Variants in MYADML2 observed in about 807,000 individuals in gnomAD.
The protein encoded by MYADML2 is myeloid-associated differentiation marker-like protein 2.
In MYADML2, 17 loss-of-function variants were observed where a neutral mutation model predicts 16.0. That is an observed-to-expected ratio of 1.06 (90% CI 0.73 to 1.60). The LOEUF is 1.60. MYADML2 is among the 40% of genes most tolerant of loss of function. The pLI, the probability that MYADML2 is intolerant of heterozygous loss-of-function variation, is 0.00. For synonymous variants in MYADML2, 210 were observed against 208.1 expected (o/e 1.01, Z -0.08); for missense variants, 422 against 437.7 (o/e 0.96, Z 0.32).
At chr17:81,944,905 C>G (rs534899892) in intron 1 of MYADML2, among the ~76,000 whole-genome samples, 1 of 152,318 alleles carries the variant, frequency 6.6e-6, no homozygotes, top group African/African-American at 2.4e-5. Context: ...CTGGAGAGGC[C>G]TCCAGATGAA....
At position 81,942,637 on chromosome 17, in the gene MYADML2, G is replaced by A. The variant is rs941342881; in HGVS notation, c.-180-264C>T. Among the ~76,000 whole-genome samples the A allele has an allele frequency of 2.0e-5, 3 of 152,006 alleles. No homozygotes were observed. The highest frequency in any genetic ancestry group is 7.3e-5 in the African/African-American group (3 of 41,370). On this transcript the variant is annotated intron_variant, in intron 1 of 2. Coordinates refer to ENST00000409745, the MANE Select transcript of MYADML2 (RefSeq NM_001145113.3). The surrounding 1 kb of genome is among the most constrained non-coding windows in gnomAD (Gnocchi z 4.4). ...GGCTGGAGTGCAATGGCGCGATCTC[G>A]GCTCCCAGGTTCAAGCAATTATCCT... is the stretch of plus-strand genomic sequence containing the variant.
At chr17:81,946,460 A>AAG in intron 1 of MYADML2, among the ~76,000 whole-genome samples, 1 of 151,776 alleles carries the variant, frequency 6.6e-6, no homozygotes, top group Admixed American at 6.6e-5. Context: ...CATCCTGGCC[A>AAG]ACGTGGTGAA....
At position 81,941,776 on chromosome 17, in the gene MYADML2, C is replaced by T. The variant is rs139967810; in HGVS notation, c.-35G>A. The T allele has an allele frequency of 8.6e-4, 1,264 of 1,471,808 alleles. 9 individuals are homozygous for T. The African/African-American group carries it at 0.015, about 18-fold the overall frequency. 91.2% of individuals were successfully genotyped at this position (1,471,808 alleles called of 1,614,324 possible). ...CACGTTTCCAGCTCACACAGTCCCC[C>T]AAGGCCCTGGGGTCCCTGCTGGGCC... On this transcript the variant is annotated 5_prime_UTR_variant, in exon 3 of 3. Transcript: ENST00000409745.
Position 81,942,624 on chromosome 17 carries a change from A to G in MYADML2, c.-180-251T>C, listed in dbSNP as rs1414241331. Among the ~76,000 whole-genome samples the G allele has an allele frequency of 1.3e-5, 2 of 152,010 alleles. No homozygotes were observed. Among genetic ancestry groups the G allele is most frequent in the East Asian group, 1.9e-4 (1 of 5,182 alleles). Reference sequence around the variant, plus strand: ...GCTCTGTCACCCAGGCTGGAGTGCAATGGCGCGATCTCGGCTCCCAGGTTC... The same window carrying G: ...GCTCTGTCACCCAGGCTGGAGTGCAGTGGCGCGATCTCGGCTCCCAGGTTC... On this transcript the variant is annotated intron_variant, in intron 1 of 2. Coordinates refer to ENST00000409745, the MANE Select transcript of MYADML2 (RefSeq NM_001145113.3). This position sits in a 1 kb window ranked among gnomAD's most constrained non-coding sequence, Gnocchi z 4.4.
chr17:81,941,856 T>A lies in MYADML2; in HGVS notation c.-102-13A>T. The A allele has an allele frequency of 9.9e-7, 1 of 1,014,016 alleles. No homozygotes were observed. Among genetic ancestry groups the A allele is most frequent in the Non-Finnish European group, 1.4e-6 (1 of 708,196 alleles). 62.8% of individuals were successfully genotyped at this position (1,014,016 alleles called of 1,614,324 possible). On this transcript the variant is annotated splice_polypyrimidine_tract_variant and intron_variant, in intron 2 of 2. Coordinates refer to ENST00000409745, the MANE Select transcript of MYADML2 (RefSeq NM_001145113.3). ...AGGTGCCTGCAGCCTGCAGAGGCAG[T>A]GACGACGGTGACATTGCAGCAGGGC...
At chr17:81,943,993 TC>T (rs2041324827) in intron 1 of MYADML2, among the ~76,000 whole-genome samples, 1 of 151,338 alleles carries the variant, frequency 6.6e-6, no homozygotes, top group South Asian at 2.1e-4. Context: ...GTGCCTGTAG[TC>T]CCAGCTACTC....
In MYADML2 at chr17:81,941,694, G is replaced by A. The variant is rs1387118284; in HGVS notation, c.48C>T (p.Gly16=). The A allele has an allele frequency of 1.3e-5, 20 of 1,544,494 alleles. No individual in the cohort carries two copies. Among genetic ancestry groups the A allele is most frequent in the Admixed American group, 7.9e-5 (4 of 50,482 alleles). Residue 16 remains glycine, a synonymous_variant, in exon 3 of 3, where the codon GGC becomes GGT. Transcript: ENST00000409745. The part of the protein sequence containing the change: ...EPPGGAYLHL[G]AVTSPVGTAR... ...CTGTGCCCACAGGGGATGTCACGGC[G>A]CCCAGGTGCAGGTACGCACCCCCAG...
chr17:81,944,233 C>T (rs1245384307), intron 1 of MYADML2, among the ~76,000 whole-genome samples: 3 of 151,946 alleles, frequency 2.0e-5, no homozygotes, highest in African/African-American at 4.8e-5. Context: ...AGTGAAACCC[C>T]GTCTCTACTA....
intron 1 of MYADML2, among the ~76,000 whole-genome samples, chr17:81,945,336 G>A (rs571470339): frequency 3.3e-5 from 5 of 152,000 alleles, no homozygotes; most frequent in South Asian, 2.1e-4. Context: ...TCAGGAGATC[G>A]AGACCATCCT....
Position 81,942,029 on chromosome 17 carries a change from C to A in MYADML2, c.-102-186G>T. 1 of 354,124 alleles carries A rather than the reference C, an allele frequency of 2.8e-6. No individual in the cohort carries two copies. The highest frequency in any genetic ancestry group is 5.1e-6 in the Non-Finnish European group (1 of 195,714). The allele number at this position is 354,124 out of a possible 1,614,324, so 21.9% of individuals were successfully genotyped here. A position where few individuals can be genotyped will look rare whatever the true frequency, so the allele number is the denominator to read the frequency against. On this transcript the variant is annotated intron_variant, in intron 2 of 2. Transcript: ENST00000409745. The surrounding 1 kb of genome is among the most constrained non-coding windows in gnomAD (Gnocchi z 4.4). The stretch of plus-strand genomic sequence containing the variant: ...TCCCCTGTGGAGCCCCTGCCGGGAC[C>A]ATTAACCCATTGGCTGCTGGCACCA...
chr17:81,941,900 G>A, intron 2 of MYADML2, 57 bp from the exon 3 acceptor site: 1 of 681,068 alleles, frequency 1.5e-6, no homozygotes, highest in Non-Finnish European at 2.4e-6. Flanking sequence ...TGCTGTCTAT[G>A]TGAGGCGGCT....
rs558158536 is a variant in MYADML2, at chr17:81,941,337, G to A, written c.405C>T (p.Ala135=). 2.8e-4 allele frequency: 438 copies of A among 1,549,134 alleles called. No individual in the cohort carries two copies. In the African/African-American group the frequency reaches 4.5e-3, roughly 16 times the overall value. Residue 135 remains alanine (A), a synonymous_variant, in exon 3 of 3, where the codon GCC becomes GCT. Coordinates refer to ENST00000409745, the MANE Select transcript of MYADML2 (RefSeq NM_001145113.3). The part of the protein sequence containing the change: ...RDFRLAASVF[A]GLLFLAYAVE... ...CAGCGTAGGCCAGGAAGAGGAGCCC[G>A]GCGAAGACACTGGCTGCCAGGCGGA...
intron 1 of MYADML2, among the ~76,000 whole-genome samples, chr17:81,945,155 C>T (rs1462464751): frequency 2.6e-5 from 4 of 151,744 alleles, no homozygotes; most frequent in Non-Finnish European, 5.9e-5. Context: ...CATCTCAGCA[C>T]TTTGGGAGGC....
chr17:81,941,520 T>G lies in MYADML2; in HGVS notation c.222A>C (p.Thr74=), dbSNP rs1188836759. 3 of 1,547,906 alleles carry G rather than the reference T, an allele frequency of 1.9e-6. No individual in the cohort carries two copies. The highest frequency in any genetic ancestry group is 2.6e-6 in the Non-Finnish European group (3 of 1,146,268). The change falls in exon 3 of 3, where the codon ACA becomes ACC. Residue 74 remains threonine (T), a synonymous_variant. Transcript: ENST00000409745. ...VSALVVACEF[T]RLHGCLRLSW... ...AGAGCCGCAGGCAGCCGTGGAGCCG[T>G]GTGAACTCACAGGCCACCACCAGCG...
Position 81,941,824 on chromosome 17 carries a change from T to TC in MYADML2, c.-84_-83insG. 1 of 1,305,594 alleles carries TC rather than the reference T, an allele frequency of 7.7e-7. No individual in the cohort carries two copies. The highest frequency in any genetic ancestry group is 2.6e-5 in the East Asian group (1 of 39,214). The allele number at this position is 1,305,594 out of a possible 1,614,324, so 80.9% of individuals were successfully genotyped here. ...GCCAAGGCCCCTCAGTCCTCTGCGG[T>TC]AGTGGCAGGTGCCTGCAGCCTGCAG... On this transcript the variant is annotated 5_prime_UTR_variant, in exon 3 of 3. It removes the in-frame stop codon of an upstream open reading frame in the 5' UTR. Transcript: ENST00000409745.
At chr17:81,945,158 T>A (rs1009183883) in intron 1 of MYADML2, among the ~76,000 whole-genome samples, 2 of 151,646 alleles carry the variant, frequency 1.3e-5, no homozygotes, top group Non-Finnish European at 2.9e-5. Flanking sequence ...CTCAGCACTT[T>A]GGGAGGCCGA....
At chr17:81,946,710 CCTG>C (rs1293313255) in intron 1 of MYADML2, among the ~76,000 whole-genome samples, 1 of 152,080 alleles carries the variant, frequency 6.6e-6, no homozygotes, top group Non-Finnish European at 1.5e-5. Flanking sequence ...GTGGCTCATG[CCTG>C]TACATCCAGC....
intron 1 of MYADML2, among the ~76,000 whole-genome samples, chr17:81,945,289 C>G (rs186462114): frequency 6.6e-5 from 10 of 151,858 alleles, no homozygotes; most frequent in Non-Finnish European, 1.2e-4. Context: ...CCTGTAATCC[C>G]AGCACTTTGG....
At chr17:81,945,777 G>A (rs1390807014) in intron 1 of MYADML2, among the ~76,000 whole-genome samples, 1 of 151,604 alleles carries the variant, frequency 6.6e-6, no homozygotes, top group Non-Finnish European at 1.5e-5. Flanking sequence ...TGAGGTGGGA[G>A]GACTGCTTAA....
Sources: allele counts gnomAD v4.1 joint callset (sites outside exome capture counted in the v4.1 genomes callset), GRCh38; gene constraint gnomAD v4.1.1; non-coding constraint Gnocchi (gnomAD v3.1); transcripts MANE v1.5; gene names NCBI Gene and HGNC (gene_info 2026-07-23, HGNC 2026-07-21).